TGM1: variants seen among roughly 807,000 people sequenced by gnomAD.
TGM1 encodes protein-glutamine gamma-glutamyltransferase K.
TGM1 carries 63 observed loss-of-function variants against 88.7 expected under a neutral mutation model. The ratio of observed to expected loss-of-function variants is 0.71; its 90% CI spans 0.58 to 0.88. TGM1 has a LOEUF of 0.88. Among genes scored for constraint, TGM1 ranks in the 40% least tolerant of loss-of-function variants. TGM1 has a pLI of 0.00. For missense variants in TGM1, 996 were observed against 1,118.0 expected (o/e 0.89, Z 1.56); for synonymous variants, 415 against 431.1 (o/e 0.96, Z 0.46).
At chr14:24,257,036 C>A (rs964551850) in intron 9 of TGM1, among the ~76,000 whole-genome samples, 2 of 152,216 alleles carry the variant, frequency 1.3e-5, no homozygotes, top group Admixed American at 1.3e-4. Context: ...GGGATCAAGC[C>A]CCAGTCTGGC....
Position 24,249,373 on chromosome 14 carries a change from G to A in TGM1, c.2394C>T (p.Asp798=), listed in dbSNP as rs201811993. The A allele has an allele frequency of 1.0e-4, 167 of 1,614,008 alleles. No individual in the cohort carries two copies. In the Admixed American group the frequency reaches 1.1e-3, roughly 10 times the overall value. Residue 798 remains aspartate, a synonymous_variant, in exon 15 of 15, where the codon GAC becomes GAT. Coordinates refer to ENST00000206765, the MANE Select transcript of TGM1 (RefSeq NM_000359.3). ...PAPGDGGFFS[D]AGGDSHLGET... is the part of the protein sequence containing the mutation. The stretch of plus-strand genomic sequence containing the variant: ...CTCCTAAGTGACTGTCACCTCCAGC[G>A]TCTGAGAAGAAGCCCCCATCCCCAG...
intron 3 of TGM1, among the ~76,000 whole-genome samples, 200 bp from the exon 4 acceptor site, chr14:24,260,898 C>A (rs561960685): frequency 7.5e-4 from 114 of 152,346 alleles, no homozygotes; most frequent in African/African-American, 2.5e-3. Flanking sequence ...TAGGGCAGTG[C>A]CGCAGTCCAA....
intron 3 of TGM1, 30 bp from the exon 4 acceptor site, chr14:24,260,728 A>T (rs1347691892): frequency 1.9e-6 from 3 of 1,613,926 alleles, no homozygotes; most frequent in South Asian, 2.2e-5. Context: ...ATTAGCTGGC[A>T]AGGCCTCCCT....
In TGM1 at chr14:24,255,259, G is replaced by C; in HGVS notation, c.1646-6C>G. On this transcript the variant is annotated splice_region_variant and splice_polypyrimidine_tract_variant and intron_variant, in intron 11 of 14. Transcript: ENST00000206765. The surrounding 1 kb of genome is among the most constrained non-coding windows in gnomAD (Gnocchi z 4.0). ...CTTCCGCTCTGCGTCTGAGCCTGGGGGTTGAGGGTCAAGGGTGAGGTTCCA... is the reference window on the plus strand; with the variant it reads ...CTTCCGCTCTGCGTCTGAGCCTGGGCGTTGAGGGTCAAGGGTGAGGTTCCA... The C allele has an allele frequency of 6.2e-7, 1 of 1,613,874 alleles. No homozygotes were observed.
rs2040790806 is a variant in TGM1 at position 24,259,766 on chromosome 14, G to A, written c.922C>T (p.Arg308Trp). ...LDACLYILDR[R>W]GMPYGGRGDP... is the part of the protein sequence containing the mutation. The stretch of plus-strand genomic sequence containing the variant: ...CCACGGCCTCCATATGGCATCCCCC[G>A]CCGGTCCAGGATGTATAAGCAGGCA... Residue 308 changes from arginine to tryptophan, a missense_variant, in exon 6 of 15, where the codon CGG becomes TGG. Coordinates refer to ENST00000206765, the MANE Select transcript of TGM1 (RefSeq NM_000359.3). The surrounding 1 kb of genome is among the most constrained non-coding windows in gnomAD (Gnocchi z 5.7). 3.7e-6 allele frequency: 6 copies of A among 1,612,972 alleles called. No individual in the cohort carries two copies. The highest frequency in any genetic ancestry group is 1.6e-4 in the Middle Eastern group (1 of 6,068).
intron 14 of TGM1, 25 bp from the exon 15 acceptor site, chr14:24,249,566 G>A (rs753335594): frequency 1.7e-5 from 28 of 1,604,344 alleles, no homozygotes; most frequent in Middle Eastern, 3.4e-4. Context: ...AAGGTCATGG[G>A]CCTGGAGTAA....
chr14:24,262,446 C>T (rs1200343464), intron 1 of TGM1, 92 bp from the exon 2 acceptor site: 1 of 1,369,044 alleles, frequency 7.3e-7, no homozygotes, highest in Non-Finnish European at 1.0e-6. Context: ...TTCAGTCCCA[C>T]CCGATGACCG....
chr14:24,257,143 A>C (rs1279501266), intron 9 of TGM1, among the ~76,000 whole-genome samples: 1 of 152,198 alleles, frequency 6.6e-6, no homozygotes, highest in Admixed American at 6.5e-5. Context: ...CTGTTTCAGC[A>C]TCACAGGCAT....
Position 24,262,331 on chromosome 14 carries a change from C to G in TGM1, c.22G>C (p.Asp8His), listed in dbSNP as rs376706308. The G allele has an allele frequency of 4.6e-5, 74 of 1,613,598 alleles. No homozygotes were observed. The highest frequency in any genetic ancestry group is 6.7e-5 in the East Asian group (3 of 44,882). ...GGGTTGCCACCCCAACGGCCCACAT[C>G]GGAACGTGGCCCATCCATCATGCCT... is the stretch of plus-strand genomic sequence containing the variant. MMDGPRS[D>H]VGRWGGNPLQ... Residue 8 changes from aspartate (D) to histidine (H), a missense_variant, in exon 2 of 15, where the codon GAT becomes CAT. Coordinates refer to ENST00000206765, the MANE Select transcript of TGM1 (RefSeq NM_000359.3).
At chr14:24,249,943 A>G (rs2040686870) in intron 14 of TGM1, among the ~76,000 whole-genome samples, 3 of 152,206 alleles carry the variant, frequency 2.0e-5, no homozygotes. Context: ...TGGGGGCCCA[A>G]CACAATATTT....
In TGM1 at chr14:24,259,050, A is replaced by C. The variant is rs1594570977; in HGVS notation, c.1159+25T>G. On this transcript the variant is annotated intron_variant, in intron 7 of 14. Coordinates refer to ENST00000206765, the MANE Select transcript of TGM1 (RefSeq NM_000359.3). The surrounding 1 kb of genome is among the most constrained non-coding windows in gnomAD (Gnocchi z 5.7). ...CCCTTCTCCCTGTAGGGCCCGGGCC[A>C]CTCCTGTCCCAGTCCCTCCACTACC... The C allele has an allele frequency of 6.2e-7, 1 of 1,613,036 alleles. No individual in the cohort carries two copies.
chr14:24,261,691 T>C lies in TGM1; in HGVS notation c.508+4A>G. On this transcript the variant is annotated splice_donor_region_variant and intron_variant, in intron 3 of 14. Transcript: ENST00000206765. ...TCACCCGTCCCAATCCAAGCCCCACTGACCGATGAGTAACTCAAGGGTGAT... is the reference window on the plus strand; with the variant it reads ...TCACCCGTCCCAATCCAAGCCCCACCGACCGATGAGTAACTCAAGGGTGAT... 1 of 1,614,026 alleles carries C rather than the reference T, an allele frequency of 6.2e-7. No individual in the cohort carries two copies. Among genetic ancestry groups the C allele is most frequent in the Non-Finnish European group, 8.5e-7 (1 of 1,179,946 alleles).
chr14:24,253,359 C>T (rs567523904), intron 14 of TGM1, among the ~76,000 whole-genome samples: 498 of 152,330 alleles, frequency 3.3e-3, no homozygotes, highest in African/African-American at 0.011. Context: ...GGAGAGAAGT[C>T]GCTTGCCCAA....
rs746332814 is a variant in TGM1 at position 24,258,328 on chromosome 14, A to G, written c.1359T>C (p.Asp453=). ...GTGTGGCATCCACCACCTGCCACCC[A>G]TCAAAGCCCGAGGGCAGATCCGGCC... is the stretch of plus-strand genomic sequence containing the variant. ...MKRPDLPSGF[D]GWQVVDATPQ... Residue 453 remains aspartate (D), a synonymous_variant, in exon 9 of 15, where the codon GAT becomes GAC. Transcript: ENST00000206765. 1.2e-5 allele frequency: 19 copies of G among 1,613,974 alleles called. 1 individual carries two copies. Among genetic ancestry groups the G allele is most frequent in the Admixed American group, 3.3e-5 (2 of 60,000 alleles).
chr14:24,250,144 G>GTC (rs1180114339), intron 14 of TGM1, among the ~76,000 whole-genome samples: 133 of 102,536 alleles, frequency 1.3e-3, no homozygotes, highest in East Asian at 9.4e-3. Flanking sequence ...AAACCCTTAT[G>GTC]TCTCTGTGTG....
Position 24,255,413 on chromosome 14 carries a change from G to T in TGM1, c.1596C>A (p.Ile532=), listed in dbSNP as rs1191337025. 1.2e-6 allele frequency: 2 copies of T among 1,614,194 alleles called. No homozygotes were observed. Among genetic ancestry groups the T allele is most frequent in the Admixed American group, 3.3e-5 (2 of 60,028 alleles). The change falls in exon 11 of 15, where the codon ATC becomes ATA. Residue 532 remains isoleucine (I), a synonymous_variant. Coordinates refer to ENST00000206765, the MANE Select transcript of TGM1 (RefSeq NM_000359.3). The surrounding 1 kb of genome is among the most constrained non-coding windows in gnomAD (Gnocchi z 4.0). ...AIGTLIVTKA[I]SSNMREDITY... ...TGATGTCCTCCCGCATGTTGGAGCT[G>T]ATGGCCTTTGTGACAATGAGTGTGC...
chr14:24,258,699 C>T (rs1489552341), intron 7 of TGM1, 26 bp from the exon 8 acceptor site: 5 of 1,612,390 alleles, frequency 3.1e-6, no homozygotes, highest in Non-Finnish European at 4.2e-6. Flanking sequence ...GGTTGGGGTT[C>T]AAGGCATGGG....
In TGM1 at chr14:24,254,766, C is replaced by G; in HGVS notation, c.1986G>C (p.Gln662His). The G allele has an allele frequency of 6.2e-7, 1 of 1,614,054 alleles. No individual in the cohort carries two copies. The highest frequency in any genetic ancestry group is 8.5e-7 in the Non-Finnish European group (1 of 1,180,022). The change falls in exon 13 of 15, where the codon CAG (glutamine) becomes CAC (histidine). Residue 662 changes from glutamine (Q) to histidine (H), a missense_variant. Gln to His is a conservative substitution (Grantham distance 24). Transcript: ENST00000206765. ...YKEYRPHLVD[Q>H]GAMLLNVSGH... Reference sequence around the variant, plus strand: ...CTGAGACATTGAGCAGCATGGCCCCCTGGTCCACAAGATGGGGCCGGTATT... The same window carrying G: ...CTGAGACATTGAGCAGCATGGCCCCGTGGTCCACAAGATGGGGCCGGTATT...
In TGM1 at chr14:24,261,810, T is replaced by C. The variant is rs746939150; in HGVS notation, c.393A>G (p.Thr131=). ...RSDQNRREHH[T]DEYEYDELIV... Reference sequence around the variant, plus strand: ...TCAGCTCGTCGTACTCATACTCGTCTGTGTGGTGCTCTCGGCGGTTCTGGT... The same window carrying C: ...TCAGCTCGTCGTACTCATACTCGTCCGTGTGGTGCTCTCGGCGGTTCTGGT... Residue 131 remains threonine (T), a synonymous_variant, in exon 3 of 15, where the codon ACA becomes ACG. Transcript: ENST00000206765. 1.9e-6 allele frequency: 3 copies of C among 1,614,080 alleles called. No homozygotes were observed. The highest frequency in any genetic ancestry group is 2.5e-6 in the Non-Finnish European group (3 of 1,180,000).
Sources: gnomAD v4.1 joint callset for allele counts (sites outside exome capture counted in the v4.1 genomes callset) on GRCh38, gnomAD v4.1.1 for gene constraint, Gnocchi (gnomAD v3.1) non-coding constraint, MANE v1.5 for transcripts, NCBI Gene and HGNC (gene_info 2026-07-23, HGNC 2026-07-21) for gene names.